The following EXOC6B variants were observed in gnomAD, a reference collection of about 807,000 sequenced individuals.
EXOC6B encodes SEC15 homolog B.
A neutral mutation model predicts 113.5 loss-of-function variants in EXOC6B; 54 were observed. The observed-to-expected ratio is 0.48, with a 90% CI of 0.38 to 0.60. EXOC6B has a LOEUF of 0.60. Among genes scored for constraint, EXOC6B ranks in the 20% least tolerant of loss-of-function variants. The pLI, the probability that EXOC6B is intolerant of heterozygous loss-of-function variation, is 0.00. For missense variants in EXOC6B, 797 were observed against 977.5 expected (o/e 0.82, Z 2.46); for synonymous variants, 357 against 339.0 (o/e 1.05, Z -0.58).
intron 6 of EXOC6B, among the ~76,000 whole-genome samples, chr2:72,590,832 G>A (rs1705897159): frequency 6.6e-6 from 1 of 151,944 alleles, no homozygotes; most frequent in African/African-American, 2.4e-5. Context: ...TTGCCATTTA[G>A]TCAACCTATG....
chr2:72,213,153 A>G (rs1214048742), intron 20 of EXOC6B, among the ~76,000 whole-genome samples: 2 of 152,186 alleles, frequency 1.3e-5, no homozygotes, highest in Non-Finnish European at 2.9e-5. Flanking sequence ...AGAGGTAAAG[A>G]GAGGTCTCAG....
At chr2:72,312,472 C>T (rs1049764186) in intron 20 of EXOC6B, among the ~76,000 whole-genome samples, 1 of 151,954 alleles carries the variant, frequency 6.6e-6, no homozygotes, top group Non-Finnish European at 1.5e-5. Flanking sequence ...TCTTCTAAAA[C>T]TCAAATATAG....
At chr2:72,601,742 T>G (rs1370914830) in intron 6 of EXOC6B, among the ~76,000 whole-genome samples, 1 of 152,216 alleles carries the variant, frequency 6.6e-6, no homozygotes, top group African/African-American at 2.4e-5. Flanking sequence ...GCAGCTGTAT[T>G]CATAATGGCC....
chr2:72,791,465 A>C (rs1174430685), intron 1 of EXOC6B, among the ~76,000 whole-genome samples: 1 of 152,184 alleles, frequency 6.6e-6, no homozygotes, highest in Non-Finnish European at 1.5e-5. Flanking sequence ...AGGATGGCTT[A>C]AGCCGAGGGA....
chr2:72,400,762 A>G (rs1693087843), intron 18 of EXOC6B, among the ~76,000 whole-genome samples: 1 of 152,116 alleles, frequency 6.6e-6, no homozygotes, highest in Non-Finnish European at 1.5e-5. Context: ...ACCAGTCAAA[A>G]TAACTATTAT....
At chr2:72,520,850 T>C (rs994109760) in intron 8 of EXOC6B, among the ~76,000 whole-genome samples, 4 of 152,214 alleles carry the variant, frequency 2.6e-5, no homozygotes, top group African/African-American at 7.2e-5. Context: ...ATATGTGCTC[T>C]TGTATGGCAC....
intron 5 of EXOC6B, 46 bp downstream of exon 5, chr2:72,730,961 A>G: frequency 7.2e-7 from 1 of 1,381,054 alleles, no homozygotes; most frequent in Non-Finnish European, 9.8e-7. Flanking sequence ...TCTAAACAAC[A>G]GAAATTTTAG....
intron 17 of EXOC6B, among the ~76,000 whole-genome samples, chr2:72,469,865 T>C (rs1698287530): frequency 6.6e-6 from 1 of 152,136 alleles, no homozygotes; most frequent in Non-Finnish European, 1.5e-5. Context: ...TTAATGACAA[T>C]AGATGTTAAC....
chr2:72,345,113 G>A (rs1350137038), intron 19 of EXOC6B, among the ~76,000 whole-genome samples: 1 of 152,080 alleles, frequency 6.6e-6, no homozygotes, highest in Non-Finnish European at 1.5e-5. Context: ...AGCTATTAGT[G>A]TACTAAGAAA....
At chr2:72,667,892 G>C (rs191937345) in intron 6 of EXOC6B, among the ~76,000 whole-genome samples, 1 of 152,272 alleles carries the variant, frequency 6.6e-6, no homozygotes, top group East Asian at 1.9e-4. Context: ...TTATACTAAA[G>C]AGCTTCTGCA....
At chr2:72,179,844 C>T (rs1677975017) in intron 21 of EXOC6B, among the ~76,000 whole-genome samples, 1 of 152,178 alleles carries the variant, frequency 6.6e-6, no homozygotes, top group African/African-American at 2.4e-5. Flanking sequence ...CACTCATTAC[C>T]TCATGAACCT....
intron 19 of EXOC6B, among the ~76,000 whole-genome samples, chr2:72,365,389 G>A (rs181762142): frequency 3.3e-5 from 5 of 152,198 alleles, no homozygotes; most frequent in Admixed American, 6.5e-5. Flanking sequence ...CTGAAAGAAC[G>A]GTTTTAGATA....
chr2:72,782,705 G>T (rs1684130759), intron 1 of EXOC6B, among the ~76,000 whole-genome samples: 1 of 151,910 alleles, frequency 6.6e-6, no homozygotes, highest in Non-Finnish European at 1.5e-5. Flanking sequence ...CACTCCTCTG[G>T]TATCTATCAT....
chr2:72,491,961 A>G (rs1699765352), intron 16 of EXOC6B, among the ~76,000 whole-genome samples: 1 of 152,178 alleles, frequency 6.6e-6, no homozygotes, highest in African/African-American at 2.4e-5. Flanking sequence ...TTCATATTCT[A>G]CGTTGTACAT....
chr2:72,540,965 TTTTC>T (rs1223972775), intron 8 of EXOC6B, among the ~76,000 whole-genome samples: 1 of 152,190 alleles, frequency 6.6e-6, no homozygotes, highest in Non-Finnish European at 1.5e-5. Context: ...ATTCCTCAGC[TTTTC>T]TTTATCTTTT....
intron 20 of EXOC6B, among the ~76,000 whole-genome samples, chr2:72,293,140 A>C (rs561104421): frequency 6.6e-6 from 1 of 152,262 alleles, no homozygotes; most frequent in South Asian, 2.1e-4. Flanking sequence ...GTATCATTTT[A>C]TGTCCCCACC....
At chr2:72,393,489 A>T (rs1692520758) in intron 18 of EXOC6B, among the ~76,000 whole-genome samples, 1 of 152,040 alleles carries the variant, frequency 6.6e-6, no homozygotes. Context: ...CAAAACATTG[A>T]TCCCTTCTTT....
intron 6 of EXOC6B, among the ~76,000 whole-genome samples, chr2:72,653,567 T>TA (rs1277242536): frequency 1.5e-5 from 2 of 136,604 alleles, no homozygotes; most frequent in Non-Finnish European, 3.2e-5. Flanking sequence ...AATAATAAAA[T>TA]AAAATAAAAA....
At chr2:72,741,268 A>G in intron 2 of EXOC6B, 36 bp downstream of exon 2, 1 of 1,587,018 alleles carries the variant, frequency 6.3e-7, no homozygotes, top group Non-Finnish European at 8.6e-7. Context: ...ACCCCAACAC[A>G]GGACGGAGAA....
Sources: gnomAD v4.1 joint callset for allele counts (sites outside exome capture counted in the v4.1 genomes callset) on GRCh38, gnomAD v4.1.1 for gene constraint, MANE v1.5 for transcripts, NCBI Gene and HGNC (gene_info 2026-07-23, HGNC 2026-07-21) for gene names.